Variants in ARFGEF2 observed in about 807,000 individuals in gnomAD.
ARFGEF2 encodes the protein ARF guanine nucleotide exchange factor 2, also known as brefeldin A-inhibited guanine nucleotide-exchange protein 2.
A neutral mutation model predicts 219.9 loss-of-function variants in ARFGEF2; 74 were observed. The observed-to-expected ratio is 0.34, with a 90% confidence interval of 0.28 to 0.41. The LOEUF is 0.41. Among genes scored for constraint, ARFGEF2 ranks in the 10% least tolerant of loss-of-function variants. The pLI is 1.00. For missense variants in ARFGEF2, 1,743 were observed against 2,218.3 expected (o/e 0.79, Z 4.30); for synonymous variants, 733 against 799.2 (o/e 0.92, Z 1.40).
intron 23 of ARFGEF2, 91 bp downstream of exon 23, chr20:48,995,973 T>G (rs574784719): frequency 8.1e-5 from 94 of 1,163,306 alleles, no homozygotes; most frequent in Non-Finnish European, 1.1e-4. Flanking sequence ...CTAATTTCTT[T>G]AACTGATACA....
At chr20:48,969,346 A>T in intron 9 of ARFGEF2, 69 bp downstream of exon 9, 1 of 1,612,274 alleles carries the variant, frequency 6.2e-7, no homozygotes, top group African/African-American at 1.3e-5. Flanking sequence ...TGTGTTTCAC[A>T]CTTCCCTTGT....
intron 6 of ARFGEF2, among the ~76,000 whole-genome samples, chr20:48,957,871 C>T (rs2091114734): frequency 6.6e-6 from 1 of 152,136 alleles, no homozygotes; most frequent in Non-Finnish European, 1.5e-5. Context: ...TGCATAAGTA[C>T]TATTATGGAT....
chr20:48,963,129 T>C, intron 6 of ARFGEF2, among the ~76,000 whole-genome samples: 1 of 144,888 alleles, frequency 6.9e-6, no homozygotes, highest in African/African-American at 2.7e-5. Context: ...TAAGCTGGGA[T>C]GGTGCCATTG....
Position 48,963,911 on chromosome 20 carries a change from G to A in ARFGEF2, c.907+13G>A. On this transcript the variant is annotated intron_variant, in intron 7 of 38. Coordinates refer to ENST00000371917, the MANE Select transcript of ARFGEF2 (RefSeq NM_006420.3). ...TCTGCCATTAAAGGTAAGAACCAAG[G>A]ACAACCCAGCCTTTCCTCTTCCCTC... 1 of 1,613,290 alleles carries A rather than the reference G, an allele frequency of 6.2e-7. No individual in the cohort carries two copies. Among genetic ancestry groups the A allele is most frequent in the East Asian group, 2.2e-5 (1 of 44,852 alleles).
intron 31 of ARFGEF2, 103 bp downstream of exon 31, chr20:49,016,518 T>C (rs1214938281): frequency 7.6e-7 from 1 of 1,308,684 alleles, no homozygotes; most frequent in Non-Finnish European, 1.1e-6. Context: ...TGGAGTACAA[T>C]ATATAATTTA....
At chr20:48,950,322 G>A (rs1198125757) in intron 3 of ARFGEF2, among the ~76,000 whole-genome samples, 1 of 151,886 alleles carries the variant, frequency 6.6e-6, no homozygotes, top group East Asian at 1.9e-4. Context: ...ATGAAAAGAT[G>A]TACTACAGAG....
At chr20:48,996,495 A>G (rs56708279) in intron 23 of ARFGEF2, among the ~76,000 whole-genome samples, 7,027 of 151,676 alleles carry the variant, frequency 0.046, 502 homozygotes, top group African/African-American at 0.15. Flanking sequence ...CTGTAATCCC[A>G]GCACTTTGGG....
rs369103959 is a variant in ARFGEF2, at chr20:48,991,238, A to G, written c.2973+40A>G. On this transcript the variant is annotated intron_variant, in intron 21 of 38. Transcript: ENST00000371917. The stretch of plus-strand genomic sequence containing the variant: ...GAATTGCCTTTTCTCAGTTAGGATG[A>G]CTCCTGGCTTCCTTTTATTCATTGT... 5.0e-6 allele frequency: 8 copies of G among 1,611,396 alleles called. No individual in the cohort carries two copies. The African/African-American group carries it at 1.1e-4, about 22-fold the overall frequency.
chr20:48,938,461 C>T (rs1387268051), intron 1 of ARFGEF2, among the ~76,000 whole-genome samples: 1 of 152,140 alleles, frequency 6.6e-6, no homozygotes, highest in African/African-American at 2.4e-5. Flanking sequence ...ATACATATAG[C>T]TGTACATATT....
In ARFGEF2 at chr20:48,921,976, C is replaced by T; in HGVS notation, c.87C>T (p.His29=). 1 of 1,578,488 alleles carries T rather than the reference C, an allele frequency of 6.3e-7. No individual in the cohort carries two copies. Among genetic ancestry groups the T allele is most frequent in the Non-Finnish European group, 8.6e-7 (1 of 1,162,434 alleles). The change falls in exon 1 of 39, where the codon CAC becomes CAT. Residue 29 remains histidine, a synonymous_variant. Transcript: ENST00000371917. The stretch of plus-strand genomic sequence containing the variant: ...ACAAGGAGGTGAAGCGGCCCCAGCA[C>T]TCCCAGCTGCGCAGGGCCTGCCAGG... The part of the protein sequence containing the change: ...LADKEVKRPQ[H]SQLRRACQVA...
chr20:49,030,688 C>T (rs2091629085), intron 37 of ARFGEF2, among the ~76,000 whole-genome samples: 1 of 152,090 alleles, frequency 6.6e-6, no homozygotes, highest in Non-Finnish European at 1.5e-5. Flanking sequence ...CCTACAGTCT[C>T]ATAAAGTTTC....
In ARFGEF2 at chr20:49,028,659, G is replaced by A. The variant is rs1314767872; in HGVS notation, c.5054G>A (p.Arg1685Lys). ...GATTCCTGGGAAGAAATACAGCAGA[G>A]ACTTTTAACGTAAGAAAATTAGTTT... ...RRDSWEEIQQ[R>K]LLTVCSEALA... is the part of the protein sequence containing the mutation. The change falls in exon 37 of 39, where the codon AGA becomes AAA. Residue 1685 changes from arginine (R) to lysine (K), a missense_variant. Arg to Lys is a conservative substitution (Grantham distance 26). Around this residue, in one of 5 missense-constraint regions of ARFGEF2, gnomAD observed 578 missense variants for 664.0 expected, o/e 0.87. Transcript: ENST00000371917. 2 of 1,614,084 alleles carry A rather than the reference G, an allele frequency of 1.2e-6. No individual in the cohort carries two copies. The highest frequency in any genetic ancestry group is 3.3e-5 in the Admixed American group (2 of 59,996).
intron 1 of ARFGEF2, among the ~76,000 whole-genome samples, chr20:48,934,757 A>G (rs1024505040): frequency 6.6e-6 from 1 of 152,168 alleles, no homozygotes; most frequent in East Asian, 1.9e-4. Context: ...TCTATCATTA[A>G]TGGGCATTCG....
chr20:48,989,322 C>A lies in ARFGEF2; in HGVS notation c.2571C>A (p.Asn857Lys). The A allele has an allele frequency of 6.2e-7, 1 of 1,614,136 alleles. No homozygotes were observed. Among genetic ancestry groups the A allele is most frequent in the Non-Finnish European group, 8.5e-7 (1 of 1,180,016 alleles). The stretch of plus-strand genomic sequence containing the variant: ...AAAAGCAGCGGCGGCTGCTGTACAA[C>A]TTAGAGATGGAGCAAATGGCTAAAA... The part of the protein sequence containing the change: ...ASEKQRRLLY[N>K]LEMEQMAKTA... Residue 857 changes from asparagine (N) to lysine (K), a missense_variant, in exon 19 of 39, where the codon AAC becomes AAA. This residue lies in a region of ARFGEF2 where 666 missense variants were observed against 955.4 expected (regional missense o/e 0.70). Coordinates refer to ENST00000371917, the MANE Select transcript of ARFGEF2 (RefSeq NM_006420.3).
At position 49,005,520 on chromosome 20, in the gene ARFGEF2, C is replaced by T. The variant is rs146182359; in HGVS notation, c.3584+299C>T. Among the ~76,000 whole-genome samples the T allele has an allele frequency of 5.4e-3, 818 of 151,888 alleles. 5 individuals are homozygous for T. The highest frequency in any genetic ancestry group is 0.036 in the South Asian group (172 of 4,796). The stretch of plus-strand genomic sequence containing the variant: ...TTAGGAGGCCGAGGCGGGTGGATCA[C>T]GAGGTCAGGAGATCGAGACCATCCT... On this transcript the variant is annotated intron_variant, in intron 26 of 38. Transcript: ENST00000371917.
rs2091663838 is a variant in ARFGEF2, at chr20:49,035,943, A to G, written c.*2744A>G. 1 of 382,220 alleles carries G rather than the reference A, an allele frequency of 2.6e-6. No individual in the cohort carries two copies. The highest frequency in any genetic ancestry group is 2.1e-5 in the African/African-American group (1 of 48,204). The allele number at this position is 382,220 out of a possible 1,614,324, so 23.7% of individuals were successfully genotyped here. A position where few individuals can be genotyped will look rare whatever the true frequency, so the allele number is the denominator to read the frequency against. On this transcript the variant is annotated 3_prime_UTR_variant, in exon 39 of 39. Transcript: ENST00000371917. ...CATACATTATGAAAATTGTATTATA[A>G]TATCTGGAAACACAACATTTTCCTC...
At position 49,033,084 on chromosome 20, in the gene ARFGEF2, T is replaced by A; in HGVS notation, c.5243T>A (p.Ile1748Asn). The part of the protein sequence containing the change: ...YLCEIMQFDL[I>N]PELRAVLRKF... ...TGTGAAATTATGCAGTTTGACCTGATCCCTGAGCTCCGAGCAGTTCTGCGG... is the reference window on the plus strand; with the variant it reads ...TGTGAAATTATGCAGTTTGACCTGAACCCTGAGCTCCGAGCAGTTCTGCGG... Residue 1748 changes from isoleucine (I) to asparagine (N), a missense_variant, in exon 39 of 39, where the codon ATC becomes AAC. Ile to Asn is a moderately radical substitution (Grantham distance 149). This residue lies in a region of ARFGEF2 where 578 missense variants were observed against 664.0 expected (regional missense o/e 0.87). Coordinates refer to ENST00000371917, the MANE Select transcript of ARFGEF2 (RefSeq NM_006420.3). The A allele has an allele frequency of 6.2e-7, 1 of 1,614,240 alleles. No homozygotes were observed. The highest frequency in any genetic ancestry group is 8.5e-7 in the Non-Finnish European group (1 of 1,180,038).
intron 23 of ARFGEF2, among the ~76,000 whole-genome samples, chr20:48,997,688 G>A (rs1343241927): frequency 6.6e-6 from 1 of 152,042 alleles, no homozygotes; most frequent in Non-Finnish European, 1.5e-5. Flanking sequence ...CATTTATTTC[G>A]GTGGAGGTGT....
Position 48,972,385 on chromosome 20 carries a change from C to T in ARFGEF2, c.1485C>T (p.His495=). 6.2e-7 allele frequency: 1 copy of T among 1,614,144 alleles called. No homozygotes were observed. Among genetic ancestry groups the T allele is most frequent in the Non-Finnish European group, 8.5e-7 (1 of 1,179,990 alleles). Residue 495 remains histidine, a synonymous_variant, in exon 11 of 39, where the codon CAC becomes CAT. Coordinates refer to ENST00000371917, the MANE Select transcript of ARFGEF2 (RefSeq NM_006420.3). The part of the protein sequence containing the change: ...ILETSTSSFE[H]RWMVIQTLTR... ...AAACATCAACAAGTTCTTTTGAGCA[C>T]AGGTGGATGGTCATTCAGACTCTGA...
Sources: allele counts gnomAD v4.1 joint callset (sites outside exome capture counted in the v4.1 genomes callset), GRCh38; gene constraint gnomAD v4.1.1; regional missense constraint gnomAD v4.1.1; transcripts MANE v1.5; gene names NCBI Gene and HGNC (gene_info 2026-07-23, HGNC 2026-07-21).